MIA2: variants seen among roughly 807,000 people sequenced by gnomAD.
The protein encoded by MIA2 is MIA SH3 domain ER export factor 2.
MIA2 carries 127 observed loss-of-function variants against 167.8 expected under a neutral mutation model. The observed-to-expected ratio is 0.76, with a 90% CI of 0.66 to 0.88. The LOEUF (loss-of-function observed/expected upper bound fraction) is 0.88, where lower values mean the gene tolerates loss of function less well. Among genes scored for constraint, MIA2 ranks in the 40% least tolerant of loss-of-function variants. The pLI is 0.00. For synonymous variants in MIA2, 552 were observed against 541.9 expected (o/e 1.02, Z -0.26); for missense variants, 1,690 against 1,624.7 (o/e 1.04, Z -0.69).
intron 23 of MIA2, among the ~76,000 whole-genome samples, chr14:39,361,894 G>A (rs1485013637): frequency 6.6e-6 from 1 of 152,108 alleles, no homozygotes; most frequent in Non-Finnish European, 1.5e-5. Context: ...TTAGTGTTTT[G>A]AATGTTTTTA....
intron 17 of MIA2, among the ~76,000 whole-genome samples, chr14:39,307,044 G>A (rs536329160): frequency 2.6e-5 from 4 of 151,968 alleles, no homozygotes; most frequent in Admixed American, 2.6e-4. Flanking sequence ...TTTCTCTCTG[G>A]TCTTGATCTG....
At chr14:39,386,588 A>G (rs2075275992) in intron 23 of MIA2, 2 of 1,061,454 alleles carry the variant, frequency 1.9e-6, no homozygotes, top group East Asian at 2.4e-5. Context: ...CTGCTGTGCC[A>G]CAGTGGGCTT....
intron 23 of MIA2, among the ~76,000 whole-genome samples, chr14:39,360,664 T>C (rs2074662467): frequency 6.6e-6 from 1 of 152,206 alleles, no homozygotes; most frequent in Admixed American, 6.5e-5. Context: ...TAGTTTATTA[T>C]AGTCCCATCT....
At chr14:39,302,360 C>A (rs750417114) in intron 15 of MIA2, 111 bp downstream of exon 15, 1 of 1,248,650 alleles carries the variant, frequency 8.0e-7, no homozygotes, top group Non-Finnish European at 1.1e-6. Flanking sequence ...TTGGCACATT[C>A]TGTCTGTCTG....
chr14:39,279,231 G>A (rs971336785), intron 7 of MIA2, 106 bp from the exon 8 acceptor site: 8 of 858,788 alleles, frequency 9.3e-6, no homozygotes, highest in South Asian at 5.0e-5. Flanking sequence ...TTTATACAAA[G>A]GCAATAAGAA....
intron 18 of MIA2, among the ~76,000 whole-genome samples, chr14:39,311,620 GGC>G (rs2064290717): frequency 6.6e-6 from 1 of 151,524 alleles, no homozygotes. Context: ...TGGGACTACA[GGC>G]GTGCGCCACC....
intron 25 of MIA2, among the ~76,000 whole-genome samples, chr14:39,336,717 C>G (rs2070496699): frequency 6.6e-6 from 1 of 152,236 alleles, no homozygotes; most frequent in Non-Finnish European, 1.5e-5. Context: ...GGTTTTCACT[C>G]CTTTATCTTT....
At chr14:39,357,866 T>G (rs1206293383) in intron 23 of MIA2, among the ~76,000 whole-genome samples, 4 of 102,816 alleles carry the variant, frequency 3.9e-5, no homozygotes, top group African/African-American at 2.2e-4. Context: ...TCTTTAAGAA[T>G]GTTGAATATT....
At chr14:39,351,087 G>A (rs545838442), downstream of MIA2, 2 of 152,026 alleles carry the variant, frequency 1.3e-5, no homozygotes, top group Non-Finnish European at 2.9e-5. Context: ...AATATCTTTA[G>A]TGTTTCCCTA....
intron 20 of MIA2, chr14:39,315,024 A>G (rs1595507316): frequency 2.7e-6 from 1 of 363,642 alleles, no homozygotes; most frequent in Non-Finnish European, 4.8e-6. Context: ...GGCTCACACC[A>G]GTAATCCCAG....
chr14:39,240,527 C>A, intron 2 of MIA2, 34 bp from the exon 3 acceptor site: 1 of 1,517,352 alleles, frequency 6.6e-7, no homozygotes, highest in South Asian at 1.1e-5. Context: ...TTTGATCATT[C>A]TTCCTCGATA....
chr14:39,343,075 T>C (rs2072370845), intron 25 of MIA2, among the ~76,000 whole-genome samples: 1 of 152,162 alleles, frequency 6.6e-6, no homozygotes, highest in African/African-American at 2.4e-5. Flanking sequence ...TTTTTGTACA[T>C]ATGTTCTTTC....
chr14:39,237,282 C>T, intron 2 of MIA2: 1 of 518,256 alleles, frequency 1.9e-6, no homozygotes, highest in East Asian at 3.7e-5. Context: ...TGTGTGTCAC[C>T]ACGCCCGGCT....
chr14:39,270,451 G>A (rs778377303), intron 6 of MIA2, among the ~76,000 whole-genome samples: 3 of 151,868 alleles, frequency 2.0e-5, no homozygotes, highest in Non-Finnish European at 4.4e-5. Context: ...CACCCGCCTC[G>A]GCCTCCCAAA....
Position 39,302,225 on chromosome 14 carries a change from G to C in MIA2, c.2716G>C (p.Glu906Gln). The change falls in exon 15 of 29, where the codon GAA becomes CAA. Residue 906 changes from glutamate (E) to glutamine (Q), a missense_variant. Transcript: ENST00000640607. ...DDNLELEMNS[E>Q]SENGAYLDNP... ...TAACTTGGAATTAGAAATGAACAGTGAATCGGAAAATGGTGCTTACTTAGG... is the reference window on the plus strand; with the variant it reads ...TAACTTGGAATTAGAAATGAACAGTCAATCGGAAAATGGTGCTTACTTAGG... 1 of 1,613,872 alleles carries C rather than the reference G, an allele frequency of 6.2e-7. No homozygotes were observed. The highest frequency in any genetic ancestry group is 8.5e-7 in the Non-Finnish European group (1 of 1,179,834).
intron 5 of MIA2, 33 bp downstream of exon 5, chr14:39,252,999 C>G: frequency 6.4e-7 from 1 of 1,560,032 alleles, no homozygotes; most frequent in Non-Finnish European, 8.7e-7. Context: ...TCTAATGCAT[C>G]AATTAAGGAA....
intron 3 of MIA2, among the ~76,000 whole-genome samples, chr14:39,244,119 C>T (rs188101681): frequency 3.7e-4 from 56 of 152,300 alleles, no homozygotes; most frequent in African/African-American, 1.3e-3. Flanking sequence ...GTCTTACGCC[C>T]TACAATCAAA....
chr14:39,288,475 A>ATATTT (rs1294270700), intron 9 of MIA2, among the ~76,000 whole-genome samples: 2 of 50,518 alleles, frequency 4.0e-5, no homozygotes, highest in Non-Finnish European at 6.1e-5. Context: ...ATATATATAT[A>ATATTT]TTTTTTTTTT....
chr14:39,366,950 G>A (rs919006418), intron 23 of MIA2, among the ~76,000 whole-genome samples: 3 of 152,190 alleles, frequency 2.0e-5, no homozygotes, highest in Admixed American at 1.3e-4. Flanking sequence ...GTGCATGGCC[G>A]CTGTGCTGCT....
Sources: gnomAD v4.1 joint callset for allele counts (sites outside exome capture counted in the v4.1 genomes callset) on GRCh38, gnomAD v4.1.1 for gene constraint, MANE v1.5 for transcripts, NCBI Gene and HGNC (gene_info 2026-07-23, HGNC 2026-07-21) for gene names.